The following YWHAE variants were observed in gnomAD, a reference collection of about 807,000 sequenced individuals.
YWHAE encodes the protein tyrosine 3-monooxygenase/tryptophan 5-monooxygenase activation protein epsilon.
Under a neutral mutation model 30.1 loss-of-function variants are expected in YWHAE, and 4 were observed. The observed-to-expected ratio is 0.13, with a 90% CI of 0.07 to 0.30. YWHAE has a LOEUF of 0.30. Ranked by LOEUF, YWHAE falls within the 10% of genes least tolerant of loss-of-function variation. The probability of loss-of-function intolerance (pLI) is 1.00; values close to 1 mark genes in which losing one functional copy is unlikely to be tolerated. For synonymous variants in YWHAE, 118 were observed against 111.8 expected (o/e 1.06, Z -0.35); for missense variants, 121 against 315.9 (o/e 0.38, Z 4.68).
In YWHAE at chr17:1,383,167, A is replaced by G. The variant is rs941192937; in HGVS notation, c.64+16880T>C. ...AGAGTTCGAGACCAGCCTGACCAAC[A>G]TAGAGAAACCCCATCTCTACTAAAA... On this transcript the variant is annotated intron_variant, in intron 1 of 5. Coordinates refer to ENST00000264335, the MANE Select transcript of YWHAE (RefSeq NM_006761.5). 6.6e-5 allele frequency among the ~76,000 whole-genome samples: 10 copies of G among 152,020 alleles called. No individual in the cohort carries two copies. The South Asian group carries it at 1.2e-3, about 19-fold the overall frequency.
At chr17:1,399,722 A>C in intron 1 of YWHAE, 1 of 502,146 alleles carries the variant, frequency 2.0e-6, no homozygotes, top group Non-Finnish European at 3.6e-6. Flanking sequence ...GCTCGTTCGG[A>C]GACAGCACCC....
chr17:1,354,386 C>A, intron 4 of YWHAE, 39 bp from the exon 5 acceptor site: 2 of 1,595,138 alleles, frequency 1.3e-6, no homozygotes, highest in South Asian at 1.1e-5. Context: ...AAAATTAAGT[C>A]CAAAATCAGA....
At chr17:1,373,815 A>G (rs936961657) in intron 1 of YWHAE, among the ~76,000 whole-genome samples, 6 of 152,292 alleles carry the variant, frequency 3.9e-5, no homozygotes, top group Admixed American at 3.3e-4. Flanking sequence ...GTAAAAATGT[A>G]GTATCTGTGA....
intron 1 of YWHAE, among the ~76,000 whole-genome samples, chr17:1,368,376 CA>C (rs1433766821): frequency 6.7e-6 from 1 of 148,824 alleles, no homozygotes; most frequent in Non-Finnish European, 1.5e-5. Context: ...AACTCCATCT[CA>C]AAAAAAGGAA....
At position 1,395,063 on chromosome 17, in the gene YWHAE, G is replaced by A. The variant is rs534496295; in HGVS notation, c.64+4984C>T. ...TGAAATATAAAGAAAAAATATGCCT[G>A]CAGTATCAGTCACCCTTACAGTCAT... On this transcript the variant is annotated intron_variant, in intron 1 of 5. Coordinates refer to ENST00000264335, the MANE Select transcript of YWHAE (RefSeq NM_006761.5). Among the ~76,000 whole-genome samples, 41 of 152,012 alleles carry A rather than the reference G, an allele frequency of 2.7e-4. 1 individual carries two copies. The highest frequency in any genetic ancestry group is 3.4e-3 in the Middle Eastern group (1 of 294).
chr17:1,352,131 A>T (rs1373056966), intron 5 of YWHAE: 1 of 152,078 alleles, frequency 6.6e-6, no homozygotes, highest in African/African-American at 2.4e-5. Context: ...TTGGTAAATT[A>T]TTTCTGAGTC....
rs549097624 is a variant in YWHAE at position 1,344,914 on chromosome 17, T to G, written c.*533A>C. The G allele has an allele frequency of 8.6e-6, 2 of 233,450 alleles. No individual in the cohort carries two copies. Among genetic ancestry groups the G allele is most frequent in the East Asian group, 1.2e-4 (2 of 16,556 alleles). The allele number at this position is 233,450 out of a possible 1,614,324, so 14.5% of individuals were successfully genotyped here. On this transcript the variant is annotated 3_prime_UTR_variant, in exon 6 of 6. Transcript: ENST00000264335. The stretch of plus-strand genomic sequence containing the variant: ...AACATTTCAGCGGAGTTGGAAACAT[T>G]TTTTACAGCAAAACCATTACAACGA...
intron 1 of YWHAE, among the ~76,000 whole-genome samples, chr17:1,375,669 T>G (rs981491714): frequency 6.6e-5 from 10 of 152,318 alleles, no homozygotes; most frequent in Non-Finnish European, 1.3e-4. Flanking sequence ...TAAACATAGT[T>G]AAGTCTCTTT....
intron 1 of YWHAE, among the ~76,000 whole-genome samples, chr17:1,382,615 C>CT: frequency 6.6e-6 from 1 of 152,204 alleles, no homozygotes; most frequent in South Asian, 2.1e-4. Context: ...CCGCCTCGGC[C>CT]TCCCAAAGTG....
chr17:1,380,475 C>CCT (rs1394211373), intron 1 of YWHAE, among the ~76,000 whole-genome samples: 2 of 152,120 alleles, frequency 1.3e-5, no homozygotes, highest in Non-Finnish European at 2.9e-5. Flanking sequence ...GGAGCTTGTT[C>CCT]CTCATCCATA....
intron 1 of YWHAE, among the ~76,000 whole-genome samples, chr17:1,392,929 G>C (rs1467782349): frequency 6.6e-6 from 1 of 152,022 alleles, no homozygotes; most frequent in East Asian, 1.9e-4. Flanking sequence ...GTGGCCGGGG[G>C]TGGTGGCTCA....
intron 1 of YWHAE, among the ~76,000 whole-genome samples, chr17:1,366,437 C>G (rs1037675963): frequency 2.0e-5 from 3 of 151,778 alleles, no homozygotes; most frequent in Non-Finnish European, 4.4e-5. Context: ...ACTTGGGAAG[C>G]TGAGGCAGCA....
chr17:1,363,648 C>T (rs1356004965), intron 2 of YWHAE, among the ~76,000 whole-genome samples: 1 of 152,144 alleles, frequency 6.6e-6, no homozygotes, highest in African/African-American at 2.4e-5. Context: ...GATAATACCT[C>T]CCCCTTCCAG....
At position 1,400,135 on chromosome 17, in the gene YWHAE, T is replaced by G; in HGVS notation, c.-25A>C. 1 of 1,613,886 alleles carries G rather than the reference T, an allele frequency of 6.2e-7. No homozygotes were observed. Among genetic ancestry groups the G allele is most frequent in the Admixed American group, 1.7e-5 (1 of 60,022 alleles). On this transcript the variant is annotated 5_prime_UTR_variant, in exon 1 of 6. Coordinates refer to ENST00000264335, the MANE Select transcript of YWHAE (RefSeq NM_006761.5). ...TAGCGGCAGCGGCTCCGGCAGGGTC[T>G]GCGCGACGGATGGAAGCGGATAGTG... is the stretch of plus-strand genomic sequence containing the variant.
At position 1,359,133 on chromosome 17, in the gene YWHAE, C is replaced by T. The variant is rs563715217; in HGVS notation, c.578+1959G>A. On this transcript the variant is annotated intron_variant, in intron 4 of 5. Coordinates refer to ENST00000264335, the MANE Select transcript of YWHAE (RefSeq NM_006761.5). Reference sequence around the variant, plus strand: ...CCTGGGTGACAGTGCCAGGCTCTCCCTCAAAAAAAAGAAAAAAGAAAAAAA... The same window carrying T: ...CCTGGGTGACAGTGCCAGGCTCTCCTTCAAAAAAAAGAAAAAAGAAAAAAA... 2.1e-3 allele frequency among the ~76,000 whole-genome samples: 312 copies of T among 151,144 alleles called. 2 individuals carry two copies. Among genetic ancestry groups the T allele is most frequent in the African/African-American group, 7.4e-3 (303 of 41,180 alleles).
At chr17:1,361,064 AGCGCT>A in intron 4 of YWHAE, 23 bp downstream of exon 4, 1 of 1,602,134 alleles carries the variant, frequency 6.2e-7, no homozygotes, top group Non-Finnish European at 8.6e-7. Context: ...TTTCACGCTG[AGCGCT>A]GCTGTTCTTC....
intron 1 of YWHAE, among the ~76,000 whole-genome samples, chr17:1,386,251 A>G (rs1017709191): frequency 2.6e-5 from 4 of 152,224 alleles, no homozygotes; most frequent in African/African-American, 9.7e-5. Context: ...CAGTGAAGAA[A>G]CACTGAGCTT....
In YWHAE at chr17:1,358,364, C is replaced by T. The variant is rs577621181; in HGVS notation, c.578+2728G>A. 3.0e-4 allele frequency among the ~76,000 whole-genome samples: 45 copies of T among 152,196 alleles called. 1 individual carries two copies. The East Asian group carries it at 4.3e-3, about 15-fold the overall frequency. On this transcript the variant is annotated intron_variant, in intron 4 of 5. Coordinates refer to ENST00000264335, the MANE Select transcript of YWHAE (RefSeq NM_006761.5). ...ACGCCATTCTCCTGCCTCAGCCTCCCGAGTAGCTGGGACTACAGGCGCCCG... is the reference window on the plus strand; with the variant it reads ...ACGCCATTCTCCTGCCTCAGCCTCCTGAGTAGCTGGGACTACAGGCGCCCG...
At chr17:1,352,585 C>T (rs1316657346) in intron 5 of YWHAE, among the ~76,000 whole-genome samples, 1 of 150,840 alleles carries the variant, frequency 6.6e-6, no homozygotes, top group Non-Finnish European at 1.5e-5. Flanking sequence ...AGTGCAATGG[C>T]GTATCTCTCA....
Sources: allele counts gnomAD v4.1 joint callset (sites outside exome capture counted in the v4.1 genomes callset), GRCh38; gene constraint gnomAD v4.1.1; transcripts MANE v1.5; gene names NCBI Gene and HGNC (gene_info 2026-07-23, HGNC 2026-07-21).